Variants in BTD observed in about 807,000 individuals in gnomAD.
The protein encoded by BTD is biocytinase.
Under a neutral mutation model 17.7 loss-of-function variants are expected in BTD, and 13 were observed. That is an observed-to-expected ratio of 0.74 (90% CI 0.48 to 1.17). The LOEUF (loss-of-function observed/expected upper bound fraction) is 1.17. Among genes scored for constraint, BTD ranks in the 50% most tolerant of loss-of-function variants. The probability of loss-of-function intolerance (pLI) is 0.00; values close to 1 mark genes in which losing one functional copy is unlikely to be tolerated. For synonymous variants in BTD, 240 were observed against 245.2 expected (o/e 0.98, Z 0.20); for missense variants, 674 against 650.4 (o/e 1.04, Z -0.39).
Position 15,645,541 on chromosome 3 carries a change from C to A in BTD, c.*53C>A. 1 of 1,583,532 alleles carries A rather than the reference C, an allele frequency of 6.3e-7. No homozygotes were observed. The highest frequency in any genetic ancestry group is 1.1e-5 in the South Asian group (1 of 90,454). On this transcript the variant is annotated 3_prime_UTR_variant, in exon 4 of 4. Coordinates refer to ENST00000643237, the MANE Select transcript of BTD (RefSeq NM_001370658.1). ...TCTGGCCATCATGTTGACAGCCTTGCACTTCCACAGGCTACAAGCCCTGGG... is the reference window on the plus strand; with the variant it reads ...TCTGGCCATCATGTTGACAGCCTTGAACTTCCACAGGCTACAAGCCCTGGG...
chr3:15,638,226 A>G (rs928334076), intron 2 of BTD, among the ~76,000 whole-genome samples: 1 of 152,226 alleles, frequency 6.6e-6, no homozygotes, highest in African/African-American at 2.4e-5. Context: ...TCAGACAAGT[A>G]ACAGCCCATG....
intron 3 of BTD, chr3:15,676,011 A>C: frequency 6.3e-7 from 1 of 1,588,476 alleles, no homozygotes; most frequent in Middle Eastern, 1.7e-4. Flanking sequence ...AACATGATAC[A>C]TGTACACATA....
At chr3:15,606,577 A>G (rs1168155400) in intron 1 of BTD, 1 of 152,256 alleles carries the variant, frequency 6.6e-6, no homozygotes, top group Non-Finnish European at 1.5e-5. Flanking sequence ...CTGAATTGGA[A>G]CAAATAACTG....
intron 2 of BTD, among the ~76,000 whole-genome samples, chr3:15,641,504 C>CACACCATTAA (rs2065507461): frequency 1.3e-5 from 2 of 152,202 alleles, no homozygotes; most frequent in African/African-American, 4.8e-5. Context: ...ACTGAAGATA[C>CACACCATTAA]CACGTGTGTT....
chr3:15,620,249 G>A (rs1293506781), intron 1 of BTD, among the ~76,000 whole-genome samples: 1 of 152,168 alleles, frequency 6.6e-6, no homozygotes, highest in African/African-American at 2.4e-5. Context: ...GGTTCTGCAG[G>A]AGACTAGGAC....
At chr3:15,675,901 T>C in intron 3 of BTD, 1 of 1,607,102 alleles carries the variant, frequency 6.2e-7, no homozygotes, top group African/African-American at 1.3e-5. Flanking sequence ...AACTTACCAT[T>C]TTCATCTACT....
intron 1 of BTD, among the ~76,000 whole-genome samples, chr3:15,620,239 G>A (rs2064910570): frequency 6.6e-6 from 1 of 152,148 alleles, no homozygotes; most frequent in Non-Finnish European, 1.5e-5. Flanking sequence ...CAAGCCTGAG[G>A]GTTCTGCAGG....
At chr3:15,643,023 G>T (rs2065569066) in intron 3 of BTD, among the ~76,000 whole-genome samples, 1 of 128,272 alleles carries the variant, frequency 7.8e-6, no homozygotes, top group Admixed American at 8.7e-5. Context: ...GCAAAACTCT[G>T]CCTCAAAAAA....
At chr3:15,670,527 T>G (rs780262823) in intron 3 of BTD, 2 of 1,613,914 alleles carry the variant, frequency 1.2e-6, no homozygotes, top group Non-Finnish European at 1.7e-6. Flanking sequence ...ACATCCTTAT[T>G]GGGAGCACAG....
chr3:15,709,132 G>A (rs1277490309), intron 3 of BTD, among the ~76,000 whole-genome samples: 18 of 152,190 alleles, frequency 1.2e-4, no homozygotes, highest in African/African-American at 4.3e-4. Context: ...TTTCACAGCT[G>A]CCTTCCTGTT....
At chr3:15,610,728 C>T (rs1056682842) in intron 1 of BTD, among the ~76,000 whole-genome samples, 2 of 152,108 alleles carry the variant, frequency 1.3e-5, no homozygotes, top group Admixed American at 6.6e-5. Flanking sequence ...TCTTTTGAAG[C>T]CATCTTGTTT....
At chr3:15,660,049 T>G (rs950869884) in intron 3 of BTD, among the ~76,000 whole-genome samples, 1 of 152,258 alleles carries the variant, frequency 6.6e-6, no homozygotes, top group Non-Finnish European at 1.5e-5. Flanking sequence ...TAACACTCAC[T>G]GGACGCTTAG....
intron 2 of BTD, among the ~76,000 whole-genome samples, chr3:15,640,625 A>C (rs528211934): frequency 1.3e-5 from 2 of 152,168 alleles, no homozygotes; most frequent in Admixed American, 6.5e-5. Context: ...TCCTGAGCTC[A>C]GGTGATCTGC....
At chr3:15,663,091 G>T (rs56108062) in intron 3 of BTD, among the ~76,000 whole-genome samples, 1 of 151,712 alleles carries the variant, frequency 6.6e-6, no homozygotes, top group East Asian at 1.9e-4. Flanking sequence ...TCCACCTCCC[G>T]GTTTCAAGTG....
intron 3 of BTD, among the ~76,000 whole-genome samples, chr3:15,686,943 T>C (rs1052141830): frequency 5.4e-5 from 8 of 148,088 alleles, no homozygotes; most frequent in Admixed American, 1.3e-4. Context: ...CTGCCTGATA[T>C]TGCTTTTTTT....
chr3:15,709,661 A>G, intron 3 of BTD: 3 of 1,569,926 alleles, frequency 1.9e-6, no homozygotes, highest in Non-Finnish European at 2.6e-6. Context: ...ACTGTATCAT[A>G]CCCTACCTCC....
chr3:15,704,273 G>A (rs1287647622), intron 3 of BTD, among the ~76,000 whole-genome samples: 4 of 151,972 alleles, frequency 2.6e-5, no homozygotes, highest in Admixed American at 2.0e-4. Context: ...GACAATGGGG[G>A]TAACAAGCAG....
chr3:15,655,843 C>T (rs1575039042), downstream of BTD, among the ~76,000 whole-genome samples: 2 of 152,330 alleles, frequency 1.3e-5, no homozygotes, highest in South Asian at 4.1e-4. Context: ...CACTCTGTTG[C>T]CCAGGCTGGA....
chr3:15,617,035 A>C (rs144756784), intron 1 of BTD, among the ~76,000 whole-genome samples: 1 of 152,040 alleles, frequency 6.6e-6, no homozygotes, highest in Non-Finnish European at 1.5e-5. Flanking sequence ...GGGTTTCACT[A>C]TGTTGGCTAG....
Sources: allele counts gnomAD v4.1 joint callset (sites outside exome capture counted in the v4.1 genomes callset), GRCh38; gene constraint gnomAD v4.1.1; transcripts MANE v1.5; gene names NCBI Gene and HGNC (gene_info 2026-07-23, HGNC 2026-07-21).